Variants in NOTCH2 observed in about 807,000 individuals in gnomAD.
The protein encoded by NOTCH2 is neurogenic locus notch homolog protein 2.
In NOTCH2, 29 loss-of-function variants were observed where a neutral mutation model predicts 235.8. The observed-to-expected ratio is 0.12, with a 90% CI of 0.09 to 0.17. The LOEUF is 0.17. Among genes scored for constraint, NOTCH2 ranks in the 10% least tolerant of loss-of-function variants. NOTCH2 has a pLI of 1.00. For missense variants in NOTCH2, 2,285 were observed against 3,150.2 expected (o/e 0.73, Z 6.57); for synonymous variants, 1,086 against 1,141.5 (o/e 0.95, Z 0.98).
chr1:119,932,390 C>A (rs1230924336), intron 22 of NOTCH2, among the ~76,000 whole-genome samples: 1 of 152,092 alleles, frequency 6.6e-6, no homozygotes, highest in African/African-American at 2.4e-5. Context: ...GAGTTCAAGA[C>A]CAGCCTGACC....
chr1:119,927,260 C>A (rs180683714), intron 23 of NOTCH2, among the ~76,000 whole-genome samples: 2 of 152,218 alleles, frequency 1.3e-5, no homozygotes, highest in Non-Finnish European at 2.9e-5. Flanking sequence ...GCTGGGACTC[C>A]TGGCCAACAG....
rs2493392 is a variant in NOTCH2, at chr1:119,929,234, C to T, written c.3656-22G>A. The stretch of plus-strand genomic sequence containing the variant: ...AGGCCTGGAGGAAAGAGAAGAGGTA[C>T]AGAATTATGAAAATCCTTTTAACCT... On this transcript the variant is annotated intron_variant, in intron 22 of 33. Coordinates refer to ENST00000256646, the MANE Select transcript of NOTCH2 (RefSeq NM_024408.4). 0.12 allele frequency: 190,171 copies of T among 1,592,022 alleles called. 14,028 individuals are homozygous for T. The highest frequency in any genetic ancestry group is 0.33 in the African/African-American group (24,442 of 74,474).
chr1:119,935,091 A>AT, intron 22 of NOTCH2: 1 of 984,672 alleles, frequency 1.0e-6, no homozygotes, highest in Non-Finnish European at 1.2e-6. Flanking sequence ...GACTTGGCTA[A>AT]TTAAAAAAAT....
At chr1:119,939,767 T>C (rs1553196221) in intron 19 of NOTCH2, among the ~76,000 whole-genome samples, 1 of 152,206 alleles carries the variant, frequency 6.6e-6, no homozygotes, top group African/African-American at 2.4e-5. Context: ...CAACCAAAAA[T>C]GCTCTCGTGA....
intron 25 of NOTCH2, 109 bp from the exon 26 acceptor site, chr1:119,924,093 C>T (rs1649380398): frequency 1.1e-6 from 1 of 950,490 alleles, no homozygotes; most frequent in South Asian, 1.4e-5. Flanking sequence ...TTTCTGTGGC[C>T]CACACCCAGG....
intron 12 of NOTCH2, among the ~76,000 whole-genome samples, chr1:119,957,481 T>G (rs1395962220): frequency 6.6e-6 from 1 of 152,172 alleles, no homozygotes; most frequent in Non-Finnish European, 1.5e-5. Flanking sequence ...AAAGCTATTA[T>G]TAGAATGATA....
At chr1:119,995,561 G>C (rs2462531) in intron 4 of NOTCH2, 2 of 152,040 alleles carry the variant, frequency 1.3e-5, no homozygotes, top group African/African-American at 4.8e-5. Flanking sequence ...GCAAACAAAT[G>C]CAGGAGTGAA....
rs1419139522 is a variant in NOTCH2, at chr1:119,913,568, A to G, written c.*1738T>C. The G allele has an allele frequency of 4.3e-6, 1 of 233,194 alleles. No homozygotes were observed. Among genetic ancestry groups the G allele is most frequent in the African/African-American group, 2.2e-5 (1 of 45,358 alleles). 14.4% of individuals were successfully genotyped at this position (233,194 alleles called of 1,614,324 possible). On this transcript the variant is annotated 3_prime_UTR_variant, in exon 34 of 34. Coordinates refer to ENST00000256646, the MANE Select transcript of NOTCH2 (RefSeq NM_024408.4). ...GGACCAATTATTAACTGGCCCAAGG[A>G]GAAGAGGAAGAAAACTATTCTTTAT...
rs1649362207 is a variant in NOTCH2 at position 119,923,646 on chromosome 1, T to G, written c.4850A>C (p.Glu1617Ala). Residue 1617 changes from glutamate to alanine, a missense_variant, in exon 26 of 34, where the codon GAG (glutamate) becomes GCG (alanine). By Grantham distance (107) the Glu-to-Ala change is moderately radical. This residue lies in a region of NOTCH2 where 1,173 missense variants were observed against 1,515.3 expected (regional missense o/e 0.77). Transcript: ENST00000256646. ...GAAACCAAACACCTACCCAGCCACC[T>G]CCTGTTCTTGTTCACCAGGAAGGGA... ...RRSLPGEQEQ[E>A]VAGSKVFLEI... The G allele has an allele frequency of 1.2e-6, 2 of 1,613,900 alleles. No individual in the cohort carries two copies. Among genetic ancestry groups the G allele is most frequent in the African/African-American group, 2.7e-5 (2 of 74,914 alleles).
rs782643558 is a variant in NOTCH2 at position 119,940,649 on chromosome 1, C to G, written c.3089G>C (p.Ser1030Thr). The stretch of plus-strand genomic sequence containing the variant: ...TCCCTCATTCAGGCATGGATGAGAG[C>G]TGCATTCATTGATCTCATGGAGGCA... ...SFCLHEINEC[S>T]SHPCLNEGTC... Residue 1030 changes from serine (S) to threonine (T), a missense_variant, in exon 19 of 34, where the codon AGC becomes ACC. Around this residue, in one of 6 missense-constraint regions of NOTCH2, gnomAD observed 1,173 missense variants for 1,515.3 expected, o/e 0.77. Coordinates refer to ENST00000256646, the MANE Select transcript of NOTCH2 (RefSeq NM_024408.4). 9 of 1,614,020 alleles carry G rather than the reference C, an allele frequency of 5.6e-6. No homozygotes were observed. Among genetic ancestry groups the G allele is most frequent in the Non-Finnish European group, 7.6e-6 (9 of 1,180,010 alleles).
intron 26 of NOTCH2, 24 bp downstream of exon 26, chr1:119,923,613 G>A (rs1649361393): frequency 6.3e-7 from 1 of 1,598,868 alleles, no homozygotes; most frequent in Non-Finnish European, 8.6e-7. Flanking sequence ...AATTAGCCTT[G>A]AAGTTCAGAA....
At chr1:119,965,809 A>G (rs1553199591) in intron 9 of NOTCH2, among the ~76,000 whole-genome samples, 1 of 152,262 alleles carries the variant, frequency 6.6e-6, no homozygotes. Context: ...GGATGTAGGA[A>G]GTGAAATTTA....
rs17024525 is a variant in NOTCH2 at position 119,925,802 on chromosome 1, G to A, written c.4014C>T (p.Ser1338=). 8.4e-3 allele frequency: 13,507 copies of A among 1,614,006 alleles called. 699 individuals carry two copies. In the East Asian group the frequency reaches 0.17, roughly 21 times the overall value. Residue 1338 remains serine (S), a synonymous_variant, in exon 25 of 34, where the codon TCC becomes TCT. Coordinates refer to ENST00000256646, the MANE Select transcript of NOTCH2 (RefSeq NM_024408.4). ...CACAGCTGCTCTGGCACCTTGCCCC[G>A]GAAAATCCCTGTGGAAATCAGTGAG... is the stretch of plus-strand genomic sequence containing the variant. ...GFICRCPPGF[S]GARCQSSCGQ... is the part of the protein sequence containing the mutation.
intron 6 of NOTCH2, among the ~76,000 whole-genome samples, 170 bp downstream of exon 6, chr1:119,969,341 T>C (rs1651273366): frequency 6.6e-6 from 1 of 152,228 alleles, no homozygotes; most frequent in African/African-American, 2.4e-5. Context: ...AAGAGGAAGA[T>C]TATCTTCATA....
rs74414810 is a variant in NOTCH2 at position 119,987,647 on chromosome 1, T to G, written c.752-565A>C. Among the ~76,000 whole-genome samples, 48 of 152,258 alleles carry G rather than the reference T, an allele frequency of 3.2e-4. No homozygotes were observed. In the East Asian group the frequency reaches 7.5e-3, roughly 24 times the overall value. ...GCTATTCGTACATGGTAAGCTAAAG[T>G]TCTGCATCAACTTCCTCACCTGTAA... On this transcript the variant is annotated intron_variant, in intron 4 of 33. Coordinates refer to ENST00000256646, the MANE Select transcript of NOTCH2 (RefSeq NM_024408.4).
At chr1:119,998,017 T>G (rs1652541517) in intron 3 of NOTCH2, among the ~76,000 whole-genome samples, 1 of 147,062 alleles carries the variant, frequency 6.8e-6, no homozygotes, top group South Asian at 2.2e-4. Flanking sequence ...GTTTTCCTAG[T>G]GAACTCTCCC....
rs1649478022 is a variant in NOTCH2 at position 119,926,514 on chromosome 1, A to T, written c.3990T>A (p.Ile1330=). 1 of 1,603,590 alleles carries T rather than the reference A, an allele frequency of 6.2e-7. No individual in the cohort carries two copies. Among genetic ancestry groups the T allele is most frequent in the African/African-American group, 1.3e-5 (1 of 74,964 alleles). ...AVASNMPDGF[I]CRCPPGFSGA... ...GGGCACTTACCGGGGGACAACGGCAAATGAAACCATCAGGCATGTTACTGG... is the reference window on the plus strand; with the variant it reads ...GGGCACTTACCGGGGGACAACGGCATATGAAACCATCAGGCATGTTACTGG... The change falls in exon 24 of 34, where the codon ATT becomes ATA. Residue 1330 remains isoleucine (I), a synonymous_variant. Coordinates refer to ENST00000256646, the MANE Select transcript of NOTCH2 (RefSeq NM_024408.4).
At chr1:119,977,238 C>G (rs1651620440) in intron 5 of NOTCH2, among the ~76,000 whole-genome samples, 1 of 152,130 alleles carries the variant, frequency 6.6e-6, no homozygotes, top group Non-Finnish European at 1.5e-5. Context: ...ACTCACCCTT[C>G]TCATAGCAAC....
chr1:119,981,657 C>T (rs1651816369), intron 5 of NOTCH2, among the ~76,000 whole-genome samples: 1 of 152,246 alleles, frequency 6.6e-6, no homozygotes, highest in African/African-American at 2.4e-5. Flanking sequence ...CTTGTTTCCA[C>T]CAACAGCGCC....
Sources: allele counts gnomAD v4.1 joint callset (sites outside exome capture counted in the v4.1 genomes callset), GRCh38; gene constraint gnomAD v4.1.1; regional missense constraint gnomAD v4.1.1; transcripts MANE v1.5; gene names NCBI Gene and HGNC (gene_info 2026-07-23, HGNC 2026-07-21).